The following OGDH variants were observed in gnomAD, a reference collection of about 807,000 sequenced individuals.
OGDH encodes oxoglutarate dehydrogenase, also known as 2-oxoglutarate dehydrogenase complex component E1.
Under a neutral mutation model 116.6 loss-of-function variants are expected in OGDH, and 38 were observed. The ratio of observed to expected loss-of-function variants is 0.33; its 90% confidence interval spans 0.25 to 0.43. The LOEUF (loss-of-function observed/expected upper bound fraction) is 0.43, where lower values mean the gene tolerates loss of function less well. Ranked by LOEUF, OGDH falls within the 20% of genes least tolerant of loss-of-function variation. The pLI is 1.00. For missense variants in OGDH, 825 were observed against 1,357.2 expected (o/e 0.61, Z 6.16); for synonymous variants, 488 against 533.3 (o/e 0.92, Z 1.17).
At chr7:44,606,941 C>T (rs543371777) in intron 1 of OGDH, among the ~76,000 whole-genome samples, 2 of 152,100 alleles carry the variant, frequency 1.3e-5, no homozygotes, top group South Asian at 2.1e-4. Context: ...GAGCGACGCG[C>T]CATTGGCGGT....
intron 10 of OGDH, among the ~76,000 whole-genome samples, chr7:44,688,361 ACT>A (rs1788222097): frequency 6.6e-6 from 1 of 150,540 alleles, no homozygotes; most frequent in South Asian, 2.1e-4. Flanking sequence ...ACAGAGCAAG[ACT>A]CTGTCTCAAA....
intron 10 of OGDH, among the ~76,000 whole-genome samples, chr7:44,687,662 A>G (rs1447000552): frequency 6.6e-6 from 1 of 151,878 alleles, no homozygotes; most frequent in Non-Finnish European, 1.5e-5. Context: ...AGTTCAAGTG[A>G]TCCACCCTCC....
Position 44,676,351 on chromosome 7 carries a change from T to C in OGDH, c.1206+202T>C, listed in dbSNP as rs868200213. ...TGGGCAGATCACCTGAGTTCGGGAGTTGGAGACCAGCCTGACCAACATGGA... is the reference window on the plus strand; with the variant it reads ...TGGGCAGATCACCTGAGTTCGGGAGCTGGAGACCAGCCTGACCAACATGGA... On this transcript the variant is annotated intron_variant, in intron 9 of 22. Transcript: ENST00000222673. The C allele has an allele frequency of 7.8e-5, 93 of 1,189,894 alleles. 1 individual carries two copies. In the African/African-American group the frequency reaches 1.1e-3, roughly 15 times the overall value. 73.7% of individuals were successfully genotyped at this position (1,189,894 alleles called of 1,614,324 possible). A position where few individuals can be genotyped will look rare whatever the true frequency, so the allele number is the denominator to read the frequency against.
At chr7:44,686,135 T>A (rs1287411842) in intron 10 of OGDH, among the ~76,000 whole-genome samples, 1 of 151,860 alleles carries the variant, frequency 6.6e-6, no homozygotes, top group Non-Finnish European at 1.5e-5. Context: ...TCCACATGTA[T>A]CTATGCTTTG....
Position 44,708,804 on chromosome 7 carries a change from A to C in OGDH, c.*805A>C, listed in dbSNP as rs1045282349. 2 of 151,668 alleles carry C rather than the reference A, an allele frequency of 1.3e-5. No homozygotes were observed. The highest frequency in any genetic ancestry group is 4.9e-5 in the African/African-American group (2 of 41,232). The allele number at this position is 151,668 out of a possible 1,614,324, so 9.4% of individuals were successfully genotyped here. A position where few individuals can be genotyped will look rare whatever the true frequency, so the allele number is the denominator to read the frequency against. On this transcript the variant is annotated 3_prime_UTR_variant, in exon 23 of 23. Coordinates refer to ENST00000222673, the MANE Select transcript of OGDH (RefSeq NM_002541.4). The stretch of plus-strand genomic sequence containing the variant: ...TCTCTTGGACTCCCTCCCCACCCCA[A>C]CCACTCTTTCTTTCTCCTTTAACCC...
intron 20 of OGDH, among the ~76,000 whole-genome samples, chr7:44,704,767 T>A (rs1022050111): frequency 1.1e-4 from 17 of 151,030 alleles, no homozygotes; most frequent in African/African-American, 3.4e-4. Flanking sequence ...CTGGAGTGCA[T>A]TAGTGCAATC....
At chr7:44,635,299 C>G (rs1785615297) in intron 2 of OGDH, among the ~76,000 whole-genome samples, 1 of 152,144 alleles carries the variant, frequency 6.6e-6, no homozygotes, top group African/African-American at 2.4e-5. Context: ...ATATTTATAG[C>G]AATTAAAAAG....
At chr7:44,628,151 G>A (rs1460883347) in intron 2 of OGDH, among the ~76,000 whole-genome samples, 1 of 152,186 alleles carries the variant, frequency 6.6e-6, no homozygotes, top group Non-Finnish European at 1.5e-5. Context: ...TGGGGTTTGA[G>A]GAGAGTAGAC....
chr7:44,675,993 C>T lies in OGDH; in HGVS notation c.1050C>T (p.His350=). ...ADEGSGDVKY[H]LGMYHRRINR... ...AGGGCTCCGGAGATGTGAAGTACCA[C>T]CTGGGCATGTATCACCGCAGGATCA... is the stretch of plus-strand genomic sequence containing the variant. Residue 350 remains histidine, a synonymous_variant, in exon 9 of 23, where the codon CAC becomes CAT. Transcript: ENST00000222673. 6.2e-7 allele frequency: 1 copy of T among 1,614,094 alleles called. No homozygotes were observed.
chr7:44,642,266 G>A (rs1306883050), intron 2 of OGDH, among the ~76,000 whole-genome samples: 1 of 152,024 alleles, frequency 6.6e-6, no homozygotes, highest in Admixed American at 6.6e-5. Flanking sequence ...AAAATATTTA[G>A]TAAAAAAATT....
intron 5 of OGDH, among the ~76,000 whole-genome samples, chr7:44,671,271 G>T (rs909658349): frequency 3.9e-5 from 6 of 152,010 alleles, no homozygotes; most frequent in Admixed American, 2.0e-4. Context: ...GAGAGTGTGG[G>T]GAGGTGCCAG....
At chr7:44,700,589 G>C (rs1402714000) in intron 19 of OGDH, among the ~76,000 whole-genome samples, 2 of 152,356 alleles carry the variant, frequency 1.3e-5, no homozygotes, top group Non-Finnish European at 2.9e-5. Context: ...GGGGTGTGCT[G>C]AGCTCTGGAA....
intron 4 of OGDH, among the ~76,000 whole-genome samples, chr7:44,655,683 G>A (rs1449677084): frequency 6.6e-6 from 1 of 152,220 alleles, no homozygotes; most frequent in Non-Finnish European, 1.5e-5. Context: ...GGCTCAGAAA[G>A]CTGTTATGTA....
chr7:44,670,821 T>C (rs771852531), intron 5 of OGDH, among the ~76,000 whole-genome samples: 52 of 151,992 alleles, frequency 3.4e-4, no homozygotes, highest in Non-Finnish European at 3.4e-4. Flanking sequence ...CCATCCTAGC[T>C]AACACAGTGA....
intron 10 of OGDH, among the ~76,000 whole-genome samples, chr7:44,687,865 G>C (rs1425054723): frequency 2.0e-5 from 3 of 152,048 alleles, no homozygotes; most frequent in Non-Finnish European, 4.4e-5. Context: ...GTTGATTTCA[G>C]AGTGTTCATC....
At chr7:44,667,120 T>A (rs185474656) in intron 5 of OGDH, among the ~76,000 whole-genome samples, 10 of 152,172 alleles carry the variant, frequency 6.6e-5, no homozygotes, top group East Asian at 1.9e-4. Context: ...AATTTTTTTT[T>A]AATTTTTTAT....
chr7:44,639,923 C>G (rs1450755591), intron 2 of OGDH, among the ~76,000 whole-genome samples: 1 of 152,228 alleles, frequency 6.6e-6, no homozygotes, highest in East Asian at 1.9e-4. Context: ...CTGACTGCCT[C>G]CAGCATGAGC....
At position 44,642,154 on chromosome 7, in the gene OGDH, G is replaced by A. The variant is rs527975726; in HGVS notation, c.223-3173G>A. Among the ~76,000 whole-genome samples the A allele has an allele frequency of 3.3e-5, 5 of 152,306 alleles. No homozygotes were observed. The South Asian group carries it at 1.0e-3, about 32-fold the overall frequency. On this transcript the variant is annotated intron_variant, in intron 2 of 22. Transcript: ENST00000222673. ...AGTTTAGGCCCAGATGGTGGCTCAT[G>A]CCTATAATCCTTGCACTTTGGGAGG...
chr7:44,665,083 G>A (rs1307439507), intron 4 of OGDH, among the ~76,000 whole-genome samples: 2 of 152,128 alleles, frequency 1.3e-5, no homozygotes, highest in Non-Finnish European at 2.9e-5. Flanking sequence ...TTTTTAGTCA[G>A]GAAAAATTTC....
Sources: gnomAD v4.1 joint callset for allele counts (sites outside exome capture counted in the v4.1 genomes callset) on GRCh38, gnomAD v4.1.1 for gene constraint, MANE v1.5 for transcripts, NCBI Gene and HGNC (gene_info 2026-07-23, HGNC 2026-07-21) for gene names.